Variants in CC2D2A observed in about 807,000 individuals in gnomAD.
The protein encoded by CC2D2A is coiled-coil and C2 domain containing 2A.
Under a neutral mutation model 212.9 loss-of-function variants are expected in CC2D2A, and 155 were observed. That is an observed-to-expected ratio of 0.73 (90% CI 0.64 to 0.83). CC2D2A has a LOEUF of 0.83. CC2D2A is among the 40% of genes least tolerant of loss of function. CC2D2A has a pLI of 0.00. For synonymous variants in CC2D2A, 667 were observed against 686.5 expected (o/e 0.97, Z 0.44); for missense variants, 1,856 against 1,956.2 (o/e 0.95, Z 0.97).
intron 24 of CC2D2A, 74 bp downstream of exon 24, chr4:15,563,596 C>T (rs1042941434): frequency 2.0e-6 from 3 of 1,465,154 alleles, no homozygotes; most frequent in East Asian, 2.4e-5. Flanking sequence ...TTACAGCATA[C>T]TCACTCTCAT....
intron 12 of CC2D2A, 108 bp from the exon 13 acceptor site, chr4:15,528,512 T>C: frequency 3.9e-6 from 3 of 775,782 alleles, no homozygotes; most frequent in East Asian, 2.6e-5. Context: ...ATCCGTTCCA[T>C]TCACAGACTG....
chr4:15,512,262 C>T (rs1350023932), intron 8 of CC2D2A, among the ~76,000 whole-genome samples: 1 of 152,100 alleles, frequency 6.6e-6, no homozygotes, highest in Non-Finnish European at 1.5e-5. Context: ...ACTTGTGCAC[C>T]GATGTTCATA....
chr4:15,544,731 C>A (rs1239541797), intron 17 of CC2D2A, among the ~76,000 whole-genome samples: 2 of 152,198 alleles, frequency 1.3e-5, no homozygotes, highest in Non-Finnish European at 2.9e-5. Context: ...TATTTTATTT[C>A]ACATATATTC....
At chr4:15,500,374 C>T (rs571442794) in intron 4 of CC2D2A, among the ~76,000 whole-genome samples, 11 of 151,994 alleles carry the variant, frequency 7.2e-5, no homozygotes, top group African/African-American at 2.4e-4. Context: ...CAGGACTCTG[C>T]GCATATGCCA....
intron 34 of CC2D2A, 132 bp downstream of exon 34, chr4:15,596,339 CACA>C (rs1231725452): frequency 1.1e-5 from 8 of 709,150 alleles, no homozygotes; most frequent in African/African-American, 1.1e-4. Context: ...GAGCTCAACT[CACA>C]ACAAGAAACA....
At position 15,552,458 on chromosome 4, in the gene CC2D2A, T is replaced by A. The variant is rs373046770; in HGVS notation, c.2339-700T>A. ...TTCCTGGCCACCCCTTCTAAAAGTTTATCCCCTCTCCACTCTCCAAAGCAC... is the reference window on the plus strand; with the variant it reads ...TTCCTGGCCACCCCTTCTAAAAGTTAATCCCCTCTCCACTCTCCAAAGCAC... On this transcript the variant is annotated intron_variant, in intron 18 of 36. Transcript: ENST00000424120. Among the ~76,000 whole-genome samples, 199 of 152,290 alleles carry A rather than the reference T, an allele frequency of 1.3e-3. 2 individuals are homozygous for A. The highest frequency in any genetic ancestry group is 4.5e-3 in the African/African-American group (189 of 41,560).
At chr4:15,503,699 A>C (rs1716099769) in intron 6 of CC2D2A, among the ~76,000 whole-genome samples, 1 of 152,210 alleles carries the variant, frequency 6.6e-6, no homozygotes, top group Non-Finnish European at 1.5e-5. Flanking sequence ...GCTATTGACA[A>C]CAGTAAGGGG....
chr4:15,591,162 A>G (rs375393376), intron 33 of CC2D2A, among the ~76,000 whole-genome samples: 1 of 150,422 alleles, frequency 6.6e-6, no homozygotes, highest in East Asian at 1.9e-4. Context: ...CATGAAATCT[A>G]TTTTTTTTCT....
At chr4:15,490,246 A>C (rs1356967161) in intron 4 of CC2D2A, among the ~76,000 whole-genome samples, 3 of 152,198 alleles carry the variant, frequency 2.0e-5, no homozygotes, top group Non-Finnish European at 4.4e-5. Context: ...ACTACAATCC[A>C]GTTTTAGAAC....
intron 4 of CC2D2A, among the ~76,000 whole-genome samples, chr4:15,482,796 G>A (rs1043508787): frequency 3.9e-5 from 6 of 152,190 alleles, no homozygotes; most frequent in African/African-American, 1.4e-4. Flanking sequence ...TCAAGGCTCT[G>A]TGACATAAAA....
intron 30 of CC2D2A, 81 bp from the exon 31 acceptor site, chr4:15,586,076 G>C: frequency 1.1e-6 from 1 of 917,668 alleles, no homozygotes; most frequent in Non-Finnish European, 1.8e-6. Flanking sequence ...TGTAATATTT[G>C]AGATTTAAGA....
chr4:15,554,124 A>T (rs1381370630), intron 19 of CC2D2A, among the ~76,000 whole-genome samples: 2 of 152,220 alleles, frequency 1.3e-5, no homozygotes, highest in Non-Finnish European at 2.9e-5. Context: ...TTGCTTTCTA[A>T]GTCAGAAGCC....
At chr4:15,492,081 C>T (rs1176871524) in intron 4 of CC2D2A, among the ~76,000 whole-genome samples, 2 of 152,146 alleles carry the variant, frequency 1.3e-5, no homozygotes, top group Non-Finnish European at 2.9e-5. Flanking sequence ...CTGAAACTGA[C>T]CTTCTGATCT....
At chr4:15,486,695 C>T (rs1054544034) in intron 4 of CC2D2A, among the ~76,000 whole-genome samples, 5 of 151,698 alleles carry the variant, frequency 3.3e-5, no homozygotes, top group Admixed American at 6.6e-5. Flanking sequence ...CTACTAATTT[C>T]GAGTTTTGAT....
chr4:15,539,405 T>A (rs568876525), intron 16 of CC2D2A, among the ~76,000 whole-genome samples: 7 of 152,334 alleles, frequency 4.6e-5, no homozygotes, highest in South Asian at 4.1e-4. Context: ...TACACTGGAA[T>A]CTTCAATATC....
intron 4 of CC2D2A, among the ~76,000 whole-genome samples, chr4:15,484,375 T>C (rs1243927858): frequency 1.3e-5 from 2 of 152,156 alleles, no homozygotes; most frequent in South Asian, 2.1e-4. Flanking sequence ...CCCAGCCTAG[T>C]GGGCCCTTTG....
chr4:15,572,281 C>A (rs1429684226), intron 28 of CC2D2A, among the ~76,000 whole-genome samples: 1 of 152,168 alleles, frequency 6.6e-6, no homozygotes, highest in Non-Finnish European at 1.5e-5. Flanking sequence ...GCTCAAATCA[C>A]AAAGTTTACA....
rs534374621 is a variant in CC2D2A at position 15,570,598 on chromosome 4, T to C, written c.3594+102T>C. The C allele has an allele frequency of 3.6e-5, 26 of 719,854 alleles. No homozygotes were observed. In the African/African-American group the frequency reaches 4.0e-4, roughly 11 times the overall value. The allele number at this position is 719,854 out of a possible 1,614,324, so 44.6% of individuals were successfully genotyped here. On this transcript the variant is annotated intron_variant, in intron 28 of 36. Coordinates refer to ENST00000424120, the MANE Select transcript of CC2D2A (RefSeq NM_001378615.1). ...GGCCAGGCGCGGTGGCTCATGCCTGTAATCCCAGCACTTTGGGAGGCCAAG... is the reference window on the plus strand; with the variant it reads ...GGCCAGGCGCGGTGGCTCATGCCTGCAATCCCAGCACTTTGGGAGGCCAAG...
At chr4:15,579,444 T>C (rs957262031) in intron 29 of CC2D2A, among the ~76,000 whole-genome samples, 4 of 152,244 alleles carry the variant, frequency 2.6e-5, no homozygotes, top group Non-Finnish European at 5.9e-5. Context: ...GCCTCTTTTT[T>C]CCTTTGAGAT....
Sources: allele counts gnomAD v4.1 joint callset (sites outside exome capture counted in the v4.1 genomes callset), GRCh38; gene constraint gnomAD v4.1.1; transcripts MANE v1.5; gene names NCBI Gene and HGNC (gene_info 2026-07-23, HGNC 2026-07-21).